The following CDKL5 variants were observed in gnomAD, a reference collection of about 807,000 sequenced individuals.
The protein encoded by CDKL5 is cyclin dependent kinase like 5.
A neutral mutation model predicts 61.7 loss-of-function variants in CDKL5; 8 were observed. The observed-to-expected ratio is 0.13, with a 90% CI of 0.08 to 0.23. CDKL5 has a LOEUF of 0.23. Among genes scored for constraint, CDKL5 ranks in the 10% least tolerant of loss-of-function variants. The pLI is 1.00. For missense variants in CDKL5, 440 were observed against 734.5 expected (o/e 0.60, Z 4.63); for synonymous variants, 275 against 272.3 (o/e 1.01, Z -0.10).
chrX:18,630,104 A>G lies in CDKL5; in HGVS notation c.*1347A>G, dbSNP rs1405408524. ...CCATATTTAAAAGGCTCCTGGAGCA[A>G]TTCCAGATAGATAAAAAATTACTCT... On this transcript the variant is annotated 3_prime_UTR_variant, in exon 18 of 18. Transcript: ENST00000623535. 3.6e-5 allele frequency: 27 copies of G among 754,135 alleles called. No homozygotes were observed. Among genetic ancestry groups the G allele is most frequent in the Non-Finnish European group, 4.2e-5 (27 of 639,276 alleles). 62.1% of individuals were successfully genotyped at this position (754,135 alleles called of 1,213,427 possible).
chrX:18,643,957 G>C, downstream of CDKL5, among the ~76,000 whole-genome samples: 1 of 111,344 alleles, frequency 9.0e-6, no homozygotes, highest in Non-Finnish European at 1.9e-5. Flanking sequence ...CTGTGTTTGT[G>C]CTGGTGAAGT....
At chrX:18,488,890 A>G (rs779508466) in intron 1 of CDKL5, among the ~76,000 whole-genome samples, 1 of 112,005 alleles carries the variant, frequency 8.9e-6, no homozygotes, top group South Asian at 3.8e-4. Context: ...GCAGTAAGAT[A>G]CCAACATGAT....
intron 3 of CDKL5, among the ~76,000 whole-genome samples, chrX:18,559,612 CCTTTT>C (rs1049702645): frequency 1.9e-5 from 2 of 108,096 alleles, no homozygotes; most frequent in Non-Finnish European, 3.8e-5. Context: ...CTGAAAATGA[CCTTTT>C]CTTTTTTTTT....
intron 3 of CDKL5, among the ~76,000 whole-genome samples, chrX:18,556,133 C>T (rs890746034): frequency 9.0e-6 from 1 of 111,596 alleles, no homozygotes; most frequent in Non-Finnish European, 1.9e-5. Context: ...TATAATTTTA[C>T]TTATAATGTA....
At chrX:18,488,597 A>T (rs766565026) in intron 1 of CDKL5, among the ~76,000 whole-genome samples, 2 of 111,871 alleles carry the variant, frequency 1.8e-5, no homozygotes, top group South Asian at 7.5e-4. Flanking sequence ...AAGGAGAATG[A>T]GCTCAATCAC....
chrX:18,610,949 T>C (rs1464127116), intron 14 of CDKL5, among the ~76,000 whole-genome samples: 10 of 112,014 alleles, frequency 8.9e-5, no homozygotes. Context: ...GGCGGGGGCA[T>C]GGAGAACTGC....
At chrX:18,460,958 A>G (rs1266372911) in intron 1 of CDKL5, among the ~76,000 whole-genome samples, 2 of 112,430 alleles carry the variant, frequency 1.8e-5, no homozygotes, top group Non-Finnish European at 3.8e-5. Flanking sequence ...AGGGTTGGAC[A>G]CGATGGAAAT....
chrX:18,568,634 G>A (rs755216342), intron 4 of CDKL5, among the ~76,000 whole-genome samples: 2 of 111,422 alleles, frequency 1.8e-5, no homozygotes, highest in Non-Finnish European at 3.8e-5. Context: ...TATACAAAAA[G>A]CTTTGTCAGT....
At chrX:18,499,528 T>A (rs1922308579) in intron 1 of CDKL5, among the ~76,000 whole-genome samples, 1 of 109,970 alleles carries the variant, frequency 9.1e-6, no homozygotes, top group Non-Finnish European at 1.9e-5. Context: ...GCCCGGCTAA[T>A]TTTTTTGTAT....
At chrX:18,506,106 G>A (rs1168544162) in intron 1 of CDKL5, among the ~76,000 whole-genome samples, 1 of 112,399 alleles carries the variant, frequency 8.9e-6, no homozygotes, top group Non-Finnish European at 1.9e-5. Flanking sequence ...AAATATTCCC[G>A]ATTAGGCCAG....
chrX:18,647,662 C>G (rs982317131), intron 20 of CDKL5: 3 of 283,960 alleles, frequency 1.1e-5, no homozygotes, highest in Non-Finnish European at 1.3e-5. Context: ...ATCTAAAAAC[C>G]AAGAGGTGCA....
intron 3 of CDKL5, among the ~76,000 whole-genome samples, chrX:18,551,188 A>G (rs1924371461): frequency 9.0e-6 from 1 of 111,563 alleles, no homozygotes; most frequent in Admixed American, 9.5e-5. Context: ...AATCTATAAT[A>G]TGAACATAGG....
At chrX:18,605,579 C>T (rs1035831570) in intron 12 of CDKL5, among the ~76,000 whole-genome samples, 1 of 111,475 alleles carries the variant, frequency 9.0e-6, no homozygotes, top group African/African-American at 3.3e-5. Context: ...TAGAACGAGA[C>T]TCTGTCTCAA....
At chrX:18,450,538 A>G (rs1931987671) in intron 1 of CDKL5, among the ~76,000 whole-genome samples, 1 of 111,857 alleles carries the variant, frequency 8.9e-6, no homozygotes, top group Non-Finnish European at 1.9e-5. Flanking sequence ...CTTCCTGTCC[A>G]GGGATAAATA....
At chrX:18,528,636 A>G (rs764304999) in intron 3 of CDKL5, among the ~76,000 whole-genome samples, 2 of 102,110 alleles carry the variant, frequency 2.0e-5, no homozygotes, top group African/African-American at 7.2e-5. Flanking sequence ...CTTTCTATTT[A>G]TTTATTAATT....
At chrX:18,642,041 C>T (rs281865364), downstream of CDKL5, 2 of 1,209,725 alleles carry the variant, frequency 1.7e-6, no homozygotes, top group East Asian at 3.0e-5. Context: ...CAGCTCCATC[C>T]GGATGGCAAT....
Position 18,438,222 on chromosome X carries a change from C to T in CDKL5, c.-163+12527C>T, listed in dbSNP as rs961386472. Among the ~76,000 whole-genome samples, 8 of 109,923 alleles carry T rather than the reference C, an allele frequency of 7.3e-5. No individual in the cohort carries two copies. The Admixed American group carries it at 7.8e-4, about 11-fold the overall frequency. The stretch of plus-strand genomic sequence containing the variant: ...CTGGGATTACAGGCATGTGCCCCCA[C>T]GCCCGGCTAAGTTTTGTATTTTTAG... On this transcript the variant is annotated intron_variant, in intron 1 of 17. Coordinates refer to ENST00000623535, the MANE Select transcript of CDKL5 (RefSeq NM_001323289.2).
At chrX:18,605,802 G>A (rs182809178) in intron 12 of CDKL5, among the ~76,000 whole-genome samples, 4 of 112,406 alleles carry the variant, frequency 3.6e-5, no homozygotes, top group East Asian at 5.6e-4. Flanking sequence ...TATGCTGGGT[G>A]TTCCCAGGCA....
At chrX:18,435,241 G>A (rs1303592793) in intron 1 of CDKL5, among the ~76,000 whole-genome samples, 1 of 111,099 alleles carries the variant, frequency 9.0e-6, no homozygotes, top group Non-Finnish European at 1.9e-5. Context: ...TTTGTCAGCC[G>A]CTTATGGGAT....
Sources: allele counts gnomAD v4.1 joint callset (sites outside exome capture counted in the v4.1 genomes callset), GRCh38; gene constraint gnomAD v4.1.1; transcripts MANE v1.5; gene names NCBI Gene and HGNC (gene_info 2026-07-23, HGNC 2026-07-21).